Variants in SUSD2 observed in about 807,000 individuals in gnomAD.
SUSD2 encodes sushi domain-containing protein 2.
SUSD2 carries 86 observed loss-of-function variants against 93.8 expected under a neutral mutation model. The ratio of observed to expected loss-of-function variants is 0.92; its 90% CI spans 0.77 to 1.10. The LOEUF is 1.10. SUSD2 is among the 50% of genes least tolerant of loss of function. The pLI is 0.00. For synonymous variants in SUSD2, 483 were observed against 485.0 expected (o/e 1.00, Z 0.05); for missense variants, 1,060 against 1,137.0 (o/e 0.93, Z 0.97).
At position 24,187,428 on chromosome 22, in the gene SUSD2, GC is replaced by G; in HGVS notation, c.1870del (p.Leu624CysfsTer76). 1 of 1,613,186 alleles carries G rather than the reference GC, an allele frequency of 6.2e-7. No individual in the cohort carries two copies. The highest frequency in any genetic ancestry group is 8.5e-7 in the Non-Finnish European group (1 of 1,179,996). On this transcript the variant is annotated frameshift_variant, in exon 11 of 15. Coordinates refer to ENST00000358321, the MANE Select transcript of SUSD2 (RefSeq NM_019601.4). LOFTEE classifies it high-confidence loss of function. ...TGCCCCCAGGCACCAGTCCCCAGGA[GC>G]TGTTCCTGTTTGGGGCCAACTGTGA... ...VLPPGTSPQE[L>X]FLFGANWTVH...
intron 5 of SUSD2, 51 bp from the exon 6 acceptor site, chr22:24,185,043 G>A (rs370197128): frequency 8.6e-5 from 139 of 1,610,414 alleles, no homozygotes; most frequent in Non-Finnish European, 4.8e-5. Flanking sequence ...AGAGTGGGGC[G>A]ACCATGGGGT....
In SUSD2 at chr22:24,188,250, C is replaced by T. The variant is rs1159640760; in HGVS notation, c.2367C>T (p.Gly789=). The T allele has an allele frequency of 1.2e-6, 2 of 1,603,354 alleles. No individual in the cohort carries two copies. The highest frequency in any genetic ancestry group is 2.7e-5 in the African/African-American group (2 of 74,788). Residue 789 remains glycine (G), a synonymous_variant, in exon 14 of 15, where the codon GGC becomes GGT. Coordinates refer to ENST00000358321, the MANE Select transcript of SUSD2 (RefSeq NM_019601.4). The surrounding 1 kb of genome is among the most constrained non-coding windows in gnomAD (Gnocchi z 4.7). ...QPGRSYAVLL[G]IIFGGLAVVA... is the part of the protein sequence containing the mutation. ...GACGCAGCTACGCGGTGCTGTTGGG[C>T]ATCATCTTTGGGGGCCTCGCGGTGG... is the stretch of plus-strand genomic sequence containing the variant.
In SUSD2 at chr22:24,183,589, T is replaced by C. The variant is rs1265867741; in HGVS notation, c.382T>C (p.Phe128Leu). Residue 128 changes from phenylalanine (F) to leucine (L), a missense_variant, in exon 3 of 15, where the codon TTC (phenylalanine) becomes CTC (leucine). By Grantham distance (22) the Phe-to-Leu change is conservative (BLOSUM62 0). Coordinates refer to ENST00000358321, the MANE Select transcript of SUSD2 (RefSeq NM_019601.4). ...PLLYESGRIP[F>L]TVSLDNGHSF... Reference sequence around the variant, plus strand: ...GCTCTATGAGAGCGGCCGCATCCCCTTCACTGTGTCACTGGACAACGGCCA... The same window carrying C: ...GCTCTATGAGAGCGGCCGCATCCCCCTCACTGTGTCACTGGACAACGGCCA... 5.0e-6 allele frequency: 8 copies of C among 1,613,282 alleles called. No homozygotes were observed. The highest frequency in any genetic ancestry group is 6.8e-6 in the Non-Finnish European group (8 of 1,180,008).
chr22:24,188,412 G>A lies in SUSD2; in HGVS notation c.2445G>A (p.Thr815=). 6.2e-7 allele frequency: 1 copy of A among 1,611,248 alleles called. No individual in the cohort carries two copies. The highest frequency in any genetic ancestry group is 1.1e-5 in the South Asian group (1 of 91,068). The part of the protein sequence containing the change: ...YVLLRRRKGN[T]HVWGAQP ...ACTTCTAACTGCGTTTCTGTTGCAG[G>A]CACGTCTGGGGTGCACAGCCCTGAT... Residue 815 remains threonine (T), a splice_region_variant and synonymous_variant, in exon 15 of 15, where the codon ACG becomes ACA. Transcript: ENST00000358321. The surrounding 1 kb of genome is among the most constrained non-coding windows in gnomAD (Gnocchi z 4.7).
chr22:24,185,793 C>A lies in SUSD2; in HGVS notation c.1203C>A (p.Pro401=). 6.2e-7 allele frequency: 1 copy of A among 1,610,602 alleles called. No individual in the cohort carries two copies. Among genetic ancestry groups the A allele is most frequent in the Non-Finnish European group, 8.5e-7 (1 of 1,178,922 alleles). The change falls in exon 8 of 15, where the codon CCC becomes CCA. Residue 401 remains proline (P), a synonymous_variant. Transcript: ENST00000358321. ...DWGAPPFRTP[P]RVPSMSHWLY... Reference sequence around the variant, plus strand: ...GCGCACCCCCGTTCCGCACGCCACCCCGAGTGCCCAGCATGTCCCACTGGC... The same window carrying A: ...GCGCACCCCCGTTCCGCACGCCACCACGAGTGCCCAGCATGTCCCACTGGC...
chr22:24,186,620 A>G (rs987148589), intron 10 of SUSD2: 2 of 622,398 alleles, frequency 3.2e-6, no homozygotes, highest in East Asian at 2.8e-5. Context: ...ACGGTGGGAC[A>G]TGTCCTCCCT....
At position 24,188,754 on chromosome 22, in the gene SUSD2, T is replaced by C. The variant is rs1474688163; in HGVS notation, c.*318T>C. 6.5e-6 allele frequency: 2 copies of C among 309,320 alleles called. No individual in the cohort carries two copies. Among genetic ancestry groups the C allele is most frequent in the African/African-American group, 4.3e-5 (2 of 46,564 alleles). 19.2% of individuals were successfully genotyped at this position (309,320 alleles called of 1,614,324 possible). A position where few individuals can be genotyped will look rare whatever the true frequency, so the allele number is the denominator to read the frequency against. On this transcript the variant is annotated 3_prime_UTR_variant, in exon 15 of 15. Transcript: ENST00000358321. The surrounding 1 kb of genome is among the most constrained non-coding windows in gnomAD (Gnocchi z 4.7). The stretch of plus-strand genomic sequence containing the variant: ...CCCACACCTGAGCCTCAGATTCCAA[T>C]AGCTCACTCCCTAGAGCCTGACGCC...
chr22:24,185,695 A>T lies in SUSD2; in HGVS notation c.1105A>T (p.Thr369Ser). The change falls in exon 8 of 15, where the codon ACA (threonine) becomes TCA (serine). Residue 369 changes from threonine to serine, a missense_variant. Around this residue, in one of 2 missense-constraint regions of SUSD2, gnomAD observed 973 missense variants for 1,005.3 expected, o/e 0.97. Coordinates refer to ENST00000358321, the MANE Select transcript of SUSD2 (RefSeq NM_019601.4). ...RYGSGQQCCY[T>S]ADGTQLLTAD... is the part of the protein sequence containing the mutation. The stretch of plus-strand genomic sequence containing the variant: ...CGGCTCAGGTCAGCAGTGCTGCTAC[A>T]CAGCGGACGGGACGCAGCTCCTGAC... 6.2e-7 allele frequency: 1 copy of T among 1,611,044 alleles called. No homozygotes were observed. Among genetic ancestry groups the T allele is most frequent in the Non-Finnish European group, 8.5e-7 (1 of 1,179,376 alleles).
At chr22:24,182,469 A>G (rs1313536453) in intron 1 of SUSD2, 1 of 154,830 alleles carries the variant, frequency 6.5e-6, no homozygotes, top group Non-Finnish European at 1.4e-5. Flanking sequence ...TGCCCTGAGC[A>G]CGGAGCTCTC....
At chr22:24,183,824 G>T in intron 3 of SUSD2, 178 bp downstream of exon 3, 4 of 756,376 alleles carry the variant, frequency 5.3e-6, no homozygotes, top group South Asian at 1.8e-5. Context: ...CATCCAGACC[G>T]CGGTCCCAGC....
rs773113881 is a variant in SUSD2, at chr22:24,185,265, C to G, written c.954C>G (p.Thr318=). The part of the protein sequence containing the change: ...EELPDCPCTL[T]QARADSGRFF... The stretch of plus-strand genomic sequence containing the variant: ...TGCCGGACTGCCCCTGCACCCTGAC[C>G]CAGGCCCGGGCTGACTCCGGCCGCT... The change falls in exon 6 of 15, where the codon ACC becomes ACG. Residue 318 remains threonine, a synonymous_variant. Transcript: ENST00000358321. The G allele has an allele frequency of 6.2e-7, 1 of 1,605,834 alleles. No individual in the cohort carries two copies. The highest frequency in any genetic ancestry group is 1.7e-5 in the Admixed American group (1 of 59,956).
Position 24,187,709 on chromosome 22 carries a change from A to C in SUSD2, c.2030A>C (p.Gln677Pro). The C allele has an allele frequency of 1.9e-6, 3 of 1,614,078 alleles. No individual in the cohort carries two copies. Among genetic ancestry groups the C allele is most frequent in the Non-Finnish European group, 2.5e-6 (3 of 1,180,036 alleles). ...SETTLNPSLA[Q>P]EAAKLCGDDH... Reference sequence around the variant, plus strand: ...ACCACCCTCAACCCCAGCCTGGCACAAGAGGCAGCCAAACTATGTGGGGAC... The same window carrying C: ...ACCACCCTCAACCCCAGCCTGGCACCAGAGGCAGCCAAACTATGTGGGGAC... The change falls in exon 12 of 15, where the codon CAA becomes CCA. Residue 677 changes from glutamine (Q) to proline (P), a missense_variant. Around this residue, in one of 2 missense-constraint regions of SUSD2, gnomAD observed 973 missense variants for 1,005.3 expected, o/e 0.97. Transcript: ENST00000358321.
intron 6 of SUSD2, 29 bp downstream of exon 6, chr22:24,185,324 G>A (rs1397274291): frequency 6.3e-7 from 1 of 1,595,962 alleles, no homozygotes; most frequent in East Asian, 2.2e-5. Flanking sequence ...CCCAGGAGAG[G>A]GGATGAGGGG....
Position 24,188,163 on chromosome 22 carries a change from C to A in SUSD2, c.2341+28C>A, listed in dbSNP as rs779960521. 1 of 1,603,280 alleles carries A rather than the reference C, an allele frequency of 6.2e-7. No homozygotes were observed. Among genetic ancestry groups the A allele is most frequent in the Admixed American group, 1.7e-5 (1 of 59,616 alleles). On this transcript the variant is annotated intron_variant, in intron 13 of 14. Transcript: ENST00000358321. The surrounding 1 kb of genome is among the most constrained non-coding windows in gnomAD (Gnocchi z 4.7). ...GAGGACACTCTGCTCATACACCTGC[C>A]TGCACCTGTCCCCACTCACCACCCC... is the stretch of plus-strand genomic sequence containing the variant.
Position 24,184,824 on chromosome 22 carries a change from A to G in SUSD2, c.666A>G (p.Thr222=), listed in dbSNP as rs1812291800. 1.9e-6 allele frequency: 3 copies of G among 1,613,818 alleles called. No individual in the cohort carries two copies. Among genetic ancestry groups the G allele is most frequent in the Non-Finnish European group, 1.7e-6 (2 of 1,179,892 alleles). ...AKWSYLYPLA[T]HIPNSGSFTF... Reference sequence around the variant, plus strand: ...GGTCGTACCTGTACCCCCTGGCCACACACATCCCCAACTCCGGCTCTTTCA... The same window carrying G: ...GGTCGTACCTGTACCCCCTGGCCACGCACATCCCCAACTCCGGCTCTTTCA... Residue 222 remains threonine (T), a synonymous_variant, in exon 5 of 15, where the codon ACA becomes ACG. Transcript: ENST00000358321.
chr22:24,186,794 T>G (rs61651379), intron 10 of SUSD2: 4,073 of 399,704 alleles, frequency 0.01, 169 homozygotes, highest in African/African-American at 0.073. Flanking sequence ...AAGTGGTAGC[T>G]CCACATCTGA....
At position 24,185,699 on chromosome 22, in the gene SUSD2, CG is replaced by C; in HGVS notation, c.1111del (p.Asp371ThrfsTer6). On this transcript the variant is annotated frameshift_variant, in exon 8 of 15. Transcript: ENST00000358321. LOFTEE classifies it high-confidence loss of function. ...YGSGQQCCYT[A>X]DGTQLLTADS... ...TCAGGTCAGCAGTGCTGCTACACAG[CG>C]GACGGGACGCAGCTCCTGACAGCTG... The C allele has an allele frequency of 6.2e-7, 1 of 1,610,718 alleles. No individual in the cohort carries two copies. Among genetic ancestry groups the C allele is most frequent in the Non-Finnish European group, 8.5e-7 (1 of 1,179,318 alleles).
intron 10 of SUSD2, chr22:24,186,904 G>A (rs1039668354): frequency 1.6e-5 from 8 of 514,110 alleles, no homozygotes; most frequent in African/African-American, 5.7e-5. Context: ...AGGGACCCTC[G>A]GGACGTGCCC....
chr22:24,184,052 C>G (rs747878938), intron 3 of SUSD2, 84 bp from the exon 4 acceptor site: 301 of 1,391,824 alleles, frequency 2.2e-4, no homozygotes, highest in Non-Finnish European at 2.8e-4. Flanking sequence ...GCCCTGGAGG[C>G]TCCCACAGCC....
Sources: allele counts gnomAD v4.1 joint callset, GRCh38; gene constraint gnomAD v4.1.1; regional missense constraint gnomAD v4.1.1; non-coding constraint Gnocchi (gnomAD v3.1); transcripts MANE v1.5; gene names NCBI Gene and HGNC (gene_info 2026-07-23, HGNC 2026-07-21).